The following SLC28A3 variants were observed in gnomAD, a reference collection of about 807,000 sequenced individuals.
SLC28A3 encodes the protein solute carrier family 28 member 3.
A neutral mutation model predicts 84.2 loss-of-function variants in SLC28A3; 68 were observed. The ratio of observed to expected loss-of-function variants is 0.81; its 90% CI spans 0.66 to 0.99. SLC28A3 has a LOEUF of 0.99. SLC28A3 is among the 50% of genes least tolerant of loss of function. The pLI, the probability that SLC28A3 is intolerant of heterozygous loss-of-function variation, is 0.00. For missense variants in SLC28A3, 712 were observed against 841.5 expected (o/e 0.85, Z 1.90); for synonymous variants, 267 against 303.6 (o/e 0.88, Z 1.25).
chr9:84,307,756 T>C (rs970831630), intron 3 of SLC28A3, among the ~76,000 whole-genome samples: 1 of 152,232 alleles, frequency 6.6e-6, no homozygotes, highest in Non-Finnish European at 1.5e-5. Context: ...AGGTTGACTC[T>C]ATCAGGTTCT....
chr9:84,346,584 T>G, the SLC28A3 span, among the ~76,000 whole-genome samples: 2 of 152,210 alleles, frequency 1.3e-5, no homozygotes, highest in African/African-American at 4.8e-5. Context: ...ATAATAAAAA[T>G]GTAATCCTGG....
At position 84,286,017 on chromosome 9, in the gene SLC28A3, C is replaced by G. The variant is rs768930947; in HGVS notation, c.1375G>C (p.Ala459Pro). Reference protein sequence around the residue: ...NIAVNLIAFLALLSFMNSALS... With the variant: ...NIAVNLIAFLPLLSFMNSALS... ...GCTGAATTCATAAAAGACAGCAGGG[C>G]CAGGAAGGCAATCAGATTCACAGCG... Residue 459 changes from alanine (A) to proline (P), a missense_variant, in exon 13 of 18, where the codon GCC becomes CCC. Physicochemically the swap from Ala to Pro is conservative, Grantham distance 27 (BLOSUM62 -1). Coordinates refer to ENST00000376238, the MANE Select transcript of SLC28A3 (RefSeq NM_001199633.2). The G allele has an allele frequency of 6.2e-7, 1 of 1,614,004 alleles. No homozygotes were observed. The highest frequency in any genetic ancestry group is 1.1e-5 in the South Asian group (1 of 91,064).
upstream of SLC28A3, among the ~76,000 whole-genome samples, chr9:84,342,378 G>A (rs549551902): frequency 2.0e-5 from 3 of 152,116 alleles, no homozygotes; most frequent in South Asian, 6.2e-4. Context: ...CAACTTGGGA[G>A]CACATATTCA....
intron 16 of SLC28A3, 149 bp from the exon 17 acceptor site, chr9:84,279,534 C>A: frequency 2.0e-6 from 1 of 510,740 alleles, no homozygotes; most frequent in Non-Finnish European, 2.9e-6. Flanking sequence ...CTCTGCCTCC[C>A]GGGTTCAAGC....
intron 3 of SLC28A3, among the ~76,000 whole-genome samples, chr9:84,309,321 GA>G (rs1825901715): frequency 6.6e-6 from 1 of 151,734 alleles, no homozygotes; most frequent in Admixed American, 6.6e-5. Context: ...TCAGGAGTTC[GA>G]GACCAGCCTG....
intron 10 of SLC28A3, 193 bp downstream of exon 10, chr9:84,292,475 G>GTCTCTCTCTCTC (rs57280644): frequency 1.8e-4 from 67 of 376,584 alleles, no homozygotes; most frequent in Admixed American, 8.4e-4. Context: ...CTCTCTCTCT[G>GTCTCTCTCTCTC]TCTCTCTCTC....
chr9:84,304,009 C>A (rs2118328710), intron 4 of SLC28A3, among the ~76,000 whole-genome samples: 1 of 152,336 alleles, frequency 6.6e-6, no homozygotes, highest in East Asian at 1.9e-4. Flanking sequence ...CGCTTCCCAG[C>A]TTGTCAGAAT....
chr9:84,278,269 T>C lies in SLC28A3; in HGVS notation c.2025A>G (p.Thr675=), dbSNP rs759345978. Residue 675 remains threonine (T), a synonymous_variant, in exon 18 of 18, where the codon ACA becomes ACG. Coordinates refer to ENST00000376238, the MANE Select transcript of SLC28A3 (RefSeq NM_001199633.2). ...HSLYSLKGCC[T]LLNPSTFNCN... ...AGTTAAAGGTCGATGGATTCAACAA[T>C]GTGCAGCAGCCCTTCAAAGAATACA... is the stretch of plus-strand genomic sequence containing the variant. The C allele has an allele frequency of 1.6e-5, 26 of 1,614,032 alleles. No individual in the cohort carries two copies. Among genetic ancestry groups the C allele is most frequent in the Middle Eastern group, 1.6e-4 (1 of 6,084 alleles).
Position 84,331,420 on chromosome 9 carries a change from G to A in SLC28A3, c.60+9154C>T, listed in dbSNP as rs1203868885. 3.3e-5 allele frequency among the ~76,000 whole-genome samples: 5 copies of A among 152,162 alleles called. No homozygotes were observed. In the East Asian group the frequency reaches 7.7e-4, roughly 23 times the overall value. On this transcript the variant is annotated intron_variant, in intron 1 of 17. Transcript: ENST00000376238. ...TAGAACTTTTGTATTCAAAGTACGT[G>A]CTTGACAAGAAGTCTACACCTGTAC...
the SLC28A3 span, among the ~76,000 whole-genome samples, chr9:84,366,245 T>C: frequency 6.6e-6 from 1 of 152,114 alleles, no homozygotes; most frequent in Non-Finnish European, 1.5e-5. Flanking sequence ...TATTTTAAAC[T>C]ATTTCAATCT....
chr9:84,352,848 G>A, the SLC28A3 span, among the ~76,000 whole-genome samples: 7 of 135,420 alleles, frequency 5.2e-5, no homozygotes, highest in South Asian at 9.4e-4. Flanking sequence ...AGCCAAGATC[G>A]CACGACTGAA....
chr9:84,329,247 GAGA>G (rs2118568714), intron 1 of SLC28A3, among the ~76,000 whole-genome samples: 1 of 152,286 alleles, frequency 6.6e-6, no homozygotes, highest in African/African-American at 2.4e-5. Context: ...GAATTCATGG[GAGA>G]AGTAGACAGT....
At chr9:84,315,133 A>T (rs1826127123) in intron 1 of SLC28A3, among the ~76,000 whole-genome samples, 1 of 152,206 alleles carries the variant, frequency 6.6e-6, no homozygotes, top group Non-Finnish European at 1.5e-5. Flanking sequence ...GTATGGGAAG[A>T]TGACAGAATG....
chr9:84,347,776 T>C, the SLC28A3 span, among the ~76,000 whole-genome samples: 20 of 152,322 alleles, frequency 1.3e-4, no homozygotes, highest in East Asian at 2.9e-3. Flanking sequence ...GCAGGAATTT[T>C]ACCCATCTTA....
the SLC28A3 span, among the ~76,000 whole-genome samples, chr9:84,354,133 C>T: frequency 6.6e-6 from 1 of 152,220 alleles, no homozygotes; most frequent in Non-Finnish European, 1.5e-5. Flanking sequence ...GTTCTGGCCA[C>T]AGGACATTTT....
rs1215906481 is a variant in SLC28A3, at chr9:84,302,381, C to G, written c.343G>C (p.Val115Leu). ...IWGILLAGYL[V>L]MVISACVLNF... ...AGCACACAGGCCGAAATCACCATAA[C>G]CAGATAACCTGTCCAGGAAGCAAAA... The change falls in exon 5 of 18, where the codon GTT becomes CTT. Residue 115 changes from valine (V) to leucine (L), a missense_variant. Physicochemically the swap from Val to Leu is conservative, Grantham distance 32. Coordinates refer to ENST00000376238, the MANE Select transcript of SLC28A3 (RefSeq NM_001199633.2). 6.2e-7 allele frequency: 1 copy of G among 1,613,404 alleles called. No individual in the cohort carries two copies. The highest frequency in any genetic ancestry group is 1.3e-5 in the African/African-American group (1 of 75,006).
rs747304975 is a variant in SLC28A3, at chr9:84,297,245, G to T, written c.837C>A (p.Tyr279Ter). Reference protein sequence around the residue: ...AGASFVFGEKYKDHFFAFKVL... With the variant: ...AGASFVFGEK ...CCTTAAATGCAAAGAAGTGGTCTTT[G>T]TATTTCTCACCAAAGACAAATGAAG... Residue 279 changes from tyrosine (Y) to a stop codon, truncating the protein, a stop_gained, in exon 8 of 18, where the codon TAC becomes TAA. Transcript: ENST00000376238. LOFTEE classifies it high-confidence loss of function. 1 of 1,613,584 alleles carries T rather than the reference G, an allele frequency of 6.2e-7. No individual in the cohort carries two copies. The highest frequency in any genetic ancestry group is 1.1e-5 in the South Asian group (1 of 90,966).
At chr9:84,319,427 G>A (rs1281872320) in intron 1 of SLC28A3, among the ~76,000 whole-genome samples, 1 of 152,130 alleles carries the variant, frequency 6.6e-6, no homozygotes, top group African/African-American at 2.4e-5. Context: ...CACTTTGGGG[G>A]GCTGAGGCAG....
the SLC28A3 span, among the ~76,000 whole-genome samples, chr9:84,358,579 C>G: frequency 6.6e-6 from 1 of 152,146 alleles, no homozygotes; most frequent in African/African-American, 2.4e-5. Context: ...TAAGCTATTG[C>G]TATCACGTGC....
Sources: gnomAD v4.1 joint callset for allele counts (sites outside exome capture counted in the v4.1 genomes callset) on GRCh38, gnomAD v4.1.1 for gene constraint, MANE v1.5 for transcripts, NCBI Gene and HGNC (gene_info 2026-07-23, HGNC 2026-07-21) for gene names.